The following SDK1 variants were observed in gnomAD, a reference collection of about 807,000 sequenced individuals.
The protein encoded by SDK1 is protein sidekick-1.
Under a neutral mutation model 245.5 loss-of-function variants are expected in SDK1, and 157 were observed. That is an observed-to-expected ratio of 0.64 (90% CI 0.56 to 0.73). SDK1 has a LOEUF of 0.73. Ranked by LOEUF, SDK1 falls within the 30% of genes least tolerant of loss-of-function variation. The pLI is 0.00. For missense variants in SDK1, 3,583 were observed against 3,002.3 expected, an observed-to-expected ratio of 1.19 and a Z score of -4.52; for synonymous variants, 1,647 against 1,278.5, an observed-to-expected ratio of 1.29 and a Z score of -6.15.
intron 4 of SDK1, among the ~76,000 whole-genome samples, chr7:3,775,761 A>G (rs1780538648): frequency 6.6e-6 from 1 of 151,996 alleles, no homozygotes; most frequent in Non-Finnish European, 1.5e-5. Context: ...TATTTTTAGT[A>G]GAGACGGGGT....
rs77728750 is a variant in SDK1, at chr7:3,725,659, T to C, written c.713+83554T>C. 9.4e-3 allele frequency among the ~76,000 whole-genome samples: 1,435 copies of C among 152,016 alleles called. 21 individuals carry two copies. Among genetic ancestry groups the C allele is most frequent in the African/African-American group, 0.033 (1,384 of 41,476 alleles). ...AGGGAGGCTGGCCAAGCTGGAAAAA[T>C]AATCAAAGCATTCTCTGTCCCTGGA... is the stretch of plus-strand genomic sequence containing the variant. On this transcript the variant is annotated intron_variant, in intron 4 of 44. Transcript: ENST00000404826.
intron 4 of SDK1, among the ~76,000 whole-genome samples, chr7:3,784,880 G>A (rs903136865): frequency 2.0e-5 from 3 of 152,186 alleles, no homozygotes; most frequent in African/African-American, 7.2e-5. Context: ...TTTGAAATCA[G>A]TGTGTTGAAG....
chr7:4,014,743 A>T (rs1273488344), intron 16 of SDK1, among the ~76,000 whole-genome samples: 2 of 152,200 alleles, frequency 1.3e-5, no homozygotes, highest in African/African-American at 4.8e-5. Context: ...TTGTATAAAA[A>T]ATCATCTTGT....
chr7:3,389,960 G>T, intron 1 of SDK1, among the ~76,000 whole-genome samples: 1 of 152,122 alleles, frequency 6.6e-6, no homozygotes, highest in Non-Finnish European at 1.5e-5. Flanking sequence ...GCTGGTGAGG[G>T]CTTAGAAGGA....
chr7:3,767,131 C>T (rs1384042069), intron 4 of SDK1, among the ~76,000 whole-genome samples: 3 of 152,214 alleles, frequency 2.0e-5, no homozygotes, highest in East Asian at 3.9e-4. Context: ...AGATCCTTCT[C>T]TAAGGCATCT....
At chr7:3,495,566 T>C (rs969815704) in intron 1 of SDK1, among the ~76,000 whole-genome samples, 2 of 152,212 alleles carry the variant, frequency 1.3e-5, no homozygotes, top group African/African-American at 4.8e-5. Context: ...GCTGGAAAAC[T>C]TGGCTCTGAT....
In SDK1 at chr7:3,744,102, G is replaced by C. The variant is rs186055110; in HGVS notation, c.714-77348G>C. On this transcript the variant is annotated intron_variant, in intron 4 of 44. Coordinates refer to ENST00000404826, the MANE Select transcript of SDK1 (RefSeq NM_152744.4). ...GCCTCCTAGTTTGTTCCTGCCTCAG[G>C]ATCCTTCCGCTTGCTGTTCATCTGC... is the stretch of plus-strand genomic sequence containing the variant. Among the ~76,000 whole-genome samples the C allele has an allele frequency of 3.0e-4, 46 of 152,118 alleles. 1 individual carries two copies. The highest frequency in any genetic ancestry group is 1.0e-3 in the African/African-American group (43 of 41,500).
intron 1 of SDK1, among the ~76,000 whole-genome samples, chr7:3,309,295 T>G (rs75935934): frequency 6.6e-6 from 1 of 151,956 alleles, no homozygotes; most frequent in Non-Finnish European, 1.5e-5. Flanking sequence ...TCAGTGTTGA[T>G]TTTTATACAC....
intron 5 of SDK1, among the ~76,000 whole-genome samples, chr7:3,854,225 C>T (rs73310097): frequency 6.6e-5 from 10 of 152,284 alleles, no homozygotes; most frequent in African/African-American, 2.2e-4. Flanking sequence ...GTTTTGAAAT[C>T]ATCTGACTTC....
chr7:4,016,368 G>C (rs1042817938), intron 16 of SDK1, among the ~76,000 whole-genome samples: 1 of 152,244 alleles, frequency 6.6e-6, no homozygotes, highest in African/African-American at 2.4e-5. Flanking sequence ...ACCCAGAGGG[G>C]CTGATCCAGG....
chr7:3,491,649 G>GT (rs1781866596), intron 1 of SDK1, among the ~76,000 whole-genome samples: 1 of 152,182 alleles, frequency 6.6e-6, no homozygotes, highest in African/African-American at 2.4e-5. Flanking sequence ...TCTTCTTGCA[G>GT]TTACTAATTA....
intron 5 of SDK1, among the ~76,000 whole-genome samples, chr7:3,920,207 T>C (rs1779538832): frequency 6.6e-6 from 1 of 152,200 alleles, no homozygotes; most frequent in African/African-American, 2.4e-5. Context: ...CTGAGTCTTC[T>C]GGGCTTCATG....
At chr7:3,621,681 T>G (rs1781943906) in intron 2 of SDK1, among the ~76,000 whole-genome samples, 1 of 152,216 alleles carries the variant, frequency 6.6e-6, no homozygotes, top group Non-Finnish European at 1.5e-5. Context: ...TAGTGGTTTC[T>G]CCTCCATCCC....
intron 5 of SDK1, among the ~76,000 whole-genome samples, chr7:3,884,931 G>T (rs1160142316): frequency 6.6e-6 from 1 of 152,128 alleles, no homozygotes; most frequent in South Asian, 2.1e-4. Context: ...TCCCTTTCTC[G>T]CCATAAGCGC....
At chr7:3,647,231 G>A (rs763240337) in intron 4 of SDK1, among the ~76,000 whole-genome samples, 4 of 152,150 alleles carry the variant, frequency 2.6e-5, no homozygotes, top group Non-Finnish European at 5.9e-5. Context: ...AGCCTGGATG[G>A]TAAAGTGAGA....
intron 1 of SDK1, among the ~76,000 whole-genome samples, chr7:3,608,550 CCCA>C (rs1781493248): frequency 6.6e-6 from 1 of 152,132 alleles, no homozygotes; most frequent in Non-Finnish European, 1.5e-5. Context: ...CTTGAATATG[CCCA>C]CCATGAGCTT....
chr7:3,608,786 A>G (rs991889978), intron 1 of SDK1, among the ~76,000 whole-genome samples: 2 of 152,240 alleles, frequency 1.3e-5, no homozygotes, highest in East Asian at 3.8e-4. Flanking sequence ...GCGGTTTCAG[A>G]GTCCGCGTTG....
At chr7:3,509,682 T>C (rs1782513852) in intron 1 of SDK1, among the ~76,000 whole-genome samples, 1 of 152,150 alleles carries the variant, frequency 6.6e-6, no homozygotes, top group African/African-American at 2.4e-5. Flanking sequence ...ACTCAACACT[T>C]AACCTCTGTT....
chr7:3,783,967 GTAAT>G (rs1193849921), intron 4 of SDK1, among the ~76,000 whole-genome samples: 1 of 152,118 alleles, frequency 6.6e-6, no homozygotes, highest in East Asian at 1.9e-4. Flanking sequence ...CAGAGCTATA[GTAAT>G]TAAAACAGCA....
Sources: gnomAD v4.1 joint callset for allele counts (sites outside exome capture counted in the v4.1 genomes callset) on GRCh38, gnomAD v4.1.1 for gene constraint, MANE v1.5 for transcripts, NCBI Gene and HGNC (gene_info 2026-07-23, HGNC 2026-07-21) for gene names.